The following SLC44A5 variants were observed in gnomAD, a reference collection of about 807,000 sequenced individuals.
SLC44A5 encodes the protein choline transporter-like protein 5.
Under a neutral mutation model 101.8 loss-of-function variants are expected in SLC44A5, and 57 were observed. The observed-to-expected ratio is 0.56, with a 90% CI of 0.45 to 0.70. The LOEUF is 0.70. Ranked by LOEUF, SLC44A5 falls within the 30% of genes least tolerant of loss-of-function variation. The pLI is 0.00. For missense variants in SLC44A5, 737 were observed against 853.1 expected, an observed-to-expected ratio of 0.86 and a Z score of 1.70; for synonymous variants, 281 against 290.9, an observed-to-expected ratio of 0.97 and a Z score of 0.35.
At chr1:75,693,300 C>T in the SLC44A5 span, among the ~76,000 whole-genome samples, 1 of 152,160 alleles carries the variant, frequency 6.6e-6, no homozygotes, top group Non-Finnish European at 1.5e-5. Flanking sequence ...GGGTTATATT[C>T]TGGCCTCTGG....
chr1:75,414,578 A>T (rs1291945635), intron 2 of SLC44A5, among the ~76,000 whole-genome samples: 2 of 152,180 alleles, frequency 1.3e-5, no homozygotes, highest in Non-Finnish European at 2.9e-5. Flanking sequence ...AGTTGTGTTT[A>T]GGTGTCATTA....
intron 6 of SLC44A5, among the ~76,000 whole-genome samples, chr1:75,260,731 G>C (rs994068337): frequency 1.2e-4 from 18 of 152,084 alleles, no homozygotes; most frequent in African/African-American, 4.4e-4. Flanking sequence ...ATTCTTCTCA[G>C]CACCACATTA....
At chr1:75,668,115 TG>T in the SLC44A5 span, among the ~76,000 whole-genome samples, 1 of 152,164 alleles carries the variant, frequency 6.6e-6, no homozygotes, top group Non-Finnish European at 1.5e-5. Context: ...CTAAACACAT[TG>T]CTATCTCATT....
At chr1:75,464,617 GA>G (rs943328881) in intron 2 of SLC44A5, among the ~76,000 whole-genome samples, 2 of 151,546 alleles carry the variant, frequency 1.3e-5, no homozygotes, top group East Asian at 1.9e-4. Context: ...GAATGGATGG[GA>G]AAAAAAAGAA....
At chr1:75,602,594 T>C (rs6662665) in intron 1 of SLC44A5, among the ~76,000 whole-genome samples, 27,638 of 151,904 alleles carry the variant, frequency 0.18, 2,804 homozygotes, top group Admixed American at 0.26. Flanking sequence ...CCAATACTCT[T>C]TCAGTAAAGC....
At chr1:75,334,992 C>T (rs969645916) in intron 4 of SLC44A5, among the ~76,000 whole-genome samples, 3 of 152,184 alleles carry the variant, frequency 2.0e-5, no homozygotes, top group South Asian at 2.1e-4. Context: ...CTACATACAG[C>T]TGTACATTGC....
upstream of SLC44A5, among the ~76,000 whole-genome samples, chr1:75,614,840 T>C (rs1675796808): frequency 6.6e-6 from 1 of 152,076 alleles, no homozygotes; most frequent in Admixed American, 6.6e-5. Context: ...TCACCGCGCA[T>C]GGTGTCGAGC....
chr1:75,284,825 A>G (rs1433766830), intron 5 of SLC44A5, among the ~76,000 whole-genome samples: 1 of 152,060 alleles, frequency 6.6e-6, no homozygotes, highest in Non-Finnish European at 1.5e-5. Flanking sequence ...TGACTTGCAT[A>G]TGTTAAATCA....
chr1:75,477,877 A>G (rs534399856), intron 2 of SLC44A5, among the ~76,000 whole-genome samples: 1,704 of 152,162 alleles, frequency 0.011, 39 homozygotes, highest in African/African-American at 0.038. Context: ...GCAGGCCAAC[A>G]TTCAGATTCA....
At chr1:75,381,049 C>T (rs1660898360) in intron 3 of SLC44A5, among the ~76,000 whole-genome samples, 1 of 80,306 alleles carries the variant, frequency 1.2e-5, no homozygotes, top group Non-Finnish European at 2.1e-5. Context: ...ACTCAGGCCA[C>T]GGGTAAATTA....
At chr1:75,224,192 GT>G (rs1275424569) in intron 13 of SLC44A5, among the ~76,000 whole-genome samples, 1 of 152,220 alleles carries the variant, frequency 6.6e-6, no homozygotes, top group African/African-American at 2.4e-5. Flanking sequence ...CATTACTCAT[GT>G]GTTTGGAGGG....
the SLC44A5 span, among the ~76,000 whole-genome samples, chr1:75,623,462 T>A: frequency 2.0e-4 from 31 of 152,280 alleles, 1 homozygote; most frequent in Admixed American, 1.8e-3. Flanking sequence ...ATCCCACCAA[T>A]TTTTTAAAAA....
chr1:75,379,997 A>G (rs1255736486), intron 3 of SLC44A5, among the ~76,000 whole-genome samples: 1 of 83,960 alleles, frequency 1.2e-5, no homozygotes, highest in Non-Finnish European at 2.1e-5. Context: ...TAAATTTGAT[A>G]AAAATGGGCA....
chr1:75,582,928 T>C (rs1416399452), intron 1 of SLC44A5, among the ~76,000 whole-genome samples: 2 of 152,224 alleles, frequency 1.3e-5, no homozygotes, highest in African/African-American at 4.8e-5. Flanking sequence ...AGCTTCATTT[T>C]TCTCCCATCA....
At chr1:75,716,278 A>G in the SLC44A5 span, among the ~76,000 whole-genome samples, 1 of 152,126 alleles carries the variant, frequency 6.6e-6, no homozygotes, top group African/African-American at 2.4e-5. Context: ...CCAGAGTTAG[A>G]GACCAGCCTG....
intron 2 of SLC44A5, among the ~76,000 whole-genome samples, chr1:75,435,017 T>A (rs1664809585): frequency 1.3e-5 from 2 of 152,010 alleles, no homozygotes; most frequent in East Asian, 3.9e-4. Context: ...ACATCTTAAA[T>A]CCCCCACTAT....
chr1:75,658,285 G>A, the SLC44A5 span, among the ~76,000 whole-genome samples: 5 of 151,690 alleles, frequency 3.3e-5, no homozygotes, highest in African/African-American at 4.8e-5. Flanking sequence ...CATGTTGCCC[G>A]AGCTGGTCTT....
At chr1:75,339,122 T>C (rs1337633916) in intron 4 of SLC44A5, among the ~76,000 whole-genome samples, 1 of 152,162 alleles carries the variant, frequency 6.6e-6, no homozygotes, top group African/African-American at 2.4e-5. Flanking sequence ...ACACGATGCA[T>C]TGGTGAATGA....
At chr1:75,721,303 C>G in the SLC44A5 span, among the ~76,000 whole-genome samples, 2 of 152,228 alleles carry the variant, frequency 1.3e-5, no homozygotes, top group African/African-American at 4.8e-5. Context: ...CTGCTGCCCA[C>G]AGACCACATG....
Sources: allele counts gnomAD v4.1 joint callset (sites outside exome capture counted in the v4.1 genomes callset), GRCh38; gene constraint gnomAD v4.1.1; transcripts MANE v1.5; gene names NCBI Gene and HGNC (gene_info 2026-07-23, HGNC 2026-07-21).